Variants in VSTM2A observed in about 807,000 individuals in gnomAD.
VSTM2A encodes the protein V-set and transmembrane domain containing 2A, also known as V-set and transmembrane domain-containing protein 2A.
VSTM2A carries 13 observed loss-of-function variants against 27.3 expected under a neutral mutation model. The observed-to-expected ratio is 0.48, with a 90% CI of 0.31 to 0.76. VSTM2A has a LOEUF of 0.76. VSTM2A is among the 30% of genes least tolerant of loss of function. VSTM2A has a pLI of 0.05. For synonymous variants in VSTM2A, 142 were observed against 125.7 expected (o/e 1.13, Z -0.87); for missense variants, 280 against 310.0 (o/e 0.90, Z 0.73).
intron 1 of VSTM2A, among the ~76,000 whole-genome samples, chr7:54,543,424 T>C (rs1787848186): frequency 6.6e-6 from 1 of 152,198 alleles, no homozygotes; most frequent in South Asian, 2.1e-4. Flanking sequence ...GCATCACTTC[T>C]GCAAGCAGAA....
intron 1 of VSTM2A, among the ~76,000 whole-genome samples, chr7:54,544,342 T>G (rs184657803): frequency 5.3e-5 from 8 of 152,358 alleles, no homozygotes; most frequent in Admixed American, 5.2e-4. Flanking sequence ...AAAAGGTATT[T>G]GGATCTACCT....
At chr7:54,546,894 C>T in intron 2 of VSTM2A, 53 bp from the exon 3 acceptor site, 1 of 1,590,928 alleles carries the variant, frequency 6.3e-7, no homozygotes, top group South Asian at 1.1e-5. Flanking sequence ...CGCGTGGGAG[C>T]GGGTGGTCGG....
chr7:54,555,767 C>T (rs1584056689), intron 4 of VSTM2A, among the ~76,000 whole-genome samples: 1 of 152,148 alleles, frequency 6.6e-6, no homozygotes, highest in East Asian at 1.9e-4. Context: ...AAGTGGGGCT[C>T]ATGTTATTAT....
chr7:54,564,158 G>A (rs945095454), intron 4 of VSTM2A, among the ~76,000 whole-genome samples: 2 of 152,212 alleles, frequency 1.3e-5, no homozygotes, highest in African/African-American at 4.8e-5. Flanking sequence ...TTCACAGACA[G>A]AGAAGTATTT....
At chr7:54,560,957 C>A (rs73408517) in intron 4 of VSTM2A, among the ~76,000 whole-genome samples, 4,598 of 152,230 alleles carry the variant, frequency 0.03, 235 homozygotes, top group African/African-American at 0.1. Context: ...TACAGACACA[C>A]CCTGAGGAGC....
At chr7:54,555,790 T>G (rs1417896360) in intron 4 of VSTM2A, among the ~76,000 whole-genome samples, 1 of 152,214 alleles carries the variant, frequency 6.6e-6, no homozygotes, top group Non-Finnish European at 1.5e-5. Context: ...TTTTGTATAA[T>G]TATGTTTTCA....
intron 4 of VSTM2A, among the ~76,000 whole-genome samples, chr7:54,554,332 C>T (rs1263669237): frequency 6.6e-6 from 1 of 152,142 alleles, no homozygotes; most frequent in Non-Finnish European, 1.5e-5. Flanking sequence ...GTTCTTTTCC[C>T]ATTGTCAACT....
intron 4 of VSTM2A, chr7:54,552,658 A>G (rs943548383): frequency 1.2e-4 from 18 of 152,246 alleles, no homozygotes; most frequent in African/African-American, 3.9e-4. Flanking sequence ...TTTAGTTTGC[A>G]AGAAAACAAA....
intron 1 of VSTM2A, 107 bp from the exon 2 acceptor site, chr7:54,544,515 G>T: frequency 7.4e-7 from 1 of 1,356,882 alleles, no homozygotes; most frequent in Non-Finnish European, 1.0e-6. Flanking sequence ...GTAAGAGAGG[G>T]GTTTTGTTGC....
chr7:54,557,838 TG>T (rs1203171457), intron 4 of VSTM2A: 4 of 152,236 alleles, frequency 2.6e-5, no homozygotes, highest in Non-Finnish European at 5.9e-5. Context: ...CTTTACCACC[TG>T]GTTCTTCTAG....
intron 4 of VSTM2A, among the ~76,000 whole-genome samples, chr7:54,553,565 C>T (rs1161925961): frequency 6.6e-6 from 1 of 152,134 alleles, no homozygotes; most frequent in African/African-American, 2.4e-5. Flanking sequence ...AAGAAATGTT[C>T]TATAGATGTT....
At chr7:54,546,858 C>G in intron 2 of VSTM2A, 89 bp from the exon 3 acceptor site, 1 of 1,554,458 alleles carries the variant, frequency 6.4e-7, no homozygotes, top group Non-Finnish European at 8.7e-7. Context: ...CCTGACGGCC[C>G]TGCCCGGAGC....
intron 4 of VSTM2A, chr7:54,560,090 G>C (rs990477402): frequency 9.2e-5 from 14 of 151,984 alleles, no homozygotes; most frequent in African/African-American, 3.4e-4. Context: ...ATTAAAAAAT[G>C]GTAAACAGTT....
At chr7:54,543,851 A>T (rs950425103) in intron 1 of VSTM2A, among the ~76,000 whole-genome samples, 11 of 152,198 alleles carry the variant, frequency 7.2e-5, no homozygotes, top group Non-Finnish European at 1.3e-4. Context: ...AGGAAACATT[A>T]TATTTTTGTG....
chr7:54,553,568 T>C (rs1290560636), intron 4 of VSTM2A, among the ~76,000 whole-genome samples: 2 of 152,324 alleles, frequency 1.3e-5, no homozygotes, highest in African/African-American at 2.4e-5. Context: ...AAATGTTCTA[T>C]AGATGTTCTG....
chr7:54,564,754 A>C lies in VSTM2A; in HGVS notation c.635-4377A>C, dbSNP rs184649122. On this transcript the variant is annotated intron_variant, in intron 4 of 4. Transcript: ENST00000402613. ...AAGCTTGGAAAAGAGGTTTTTGAAA[A>C]GAAGAAGGAATGCTAAAATAATAGT... 4.4e-3 allele frequency among the ~76,000 whole-genome samples: 670 copies of C among 152,320 alleles called. 6 individuals carry two copies. The highest frequency in any genetic ancestry group is 0.015 in the African/African-American group (636 of 41,568).
chr7:54,563,759 A>G (rs1257982899), intron 4 of VSTM2A, among the ~76,000 whole-genome samples: 1 of 152,260 alleles, frequency 6.6e-6, no homozygotes, highest in Admixed American at 6.5e-5. Context: ...ACTAAAGGAA[A>G]GCAAGAAAGG....
At position 54,571,004 on chromosome 7, in the gene VSTM2A, C is replaced by T. The variant is rs1465459602; in HGVS notation, c.*1785C>T. 1.3e-5 allele frequency: 2 copies of T among 152,150 alleles called. No homozygotes were observed. The highest frequency in any genetic ancestry group is 2.9e-5 in the Non-Finnish European group (2 of 68,014). 9.4% of individuals were successfully genotyped at this position (152,150 alleles called of 1,614,324 possible). A position where few individuals can be genotyped will look rare whatever the true frequency, so the allele number is the denominator to read the frequency against. ...TGCTAAATCTTTTACTGCCACTTTT[C>T]TCATTCATTTGGTTTATCATTTCAG... On this transcript the variant is annotated 3_prime_UTR_variant, in exon 5 of 5. Transcript: ENST00000402613.
intron 4 of VSTM2A, among the ~76,000 whole-genome samples, chr7:54,560,550 A>G (rs1179610611): frequency 6.6e-6 from 1 of 152,176 alleles, no homozygotes; most frequent in Admixed American, 6.5e-5. Flanking sequence ...ATCAAGGGAA[A>G]TCGGACACAG....
Sources: gnomAD v4.1 joint callset for allele counts (sites outside exome capture counted in the v4.1 genomes callset) on GRCh38, gnomAD v4.1.1 for gene constraint, MANE v1.5 for transcripts, NCBI Gene and HGNC (gene_info 2026-07-23, HGNC 2026-07-21) for gene names.